The following NKAIN2 variants were observed in gnomAD, a reference collection of about 807,000 sequenced individuals.
NKAIN2 encodes sodium/potassium transporting ATPase interacting 2, also known as sodium/potassium-transporting ATPase subunit beta-1-interacting protein 2.
Under a neutral mutation model 32.6 loss-of-function variants are expected in NKAIN2, and 14 were observed. The ratio of observed to expected loss-of-function variants is 0.43; its 90% confidence interval spans 0.28 to 0.67. The LOEUF is 0.67. NKAIN2 is among the 30% of genes least tolerant of loss of function. The pLI is 0.17. For missense variants in NKAIN2, 198 were observed against 258.3 expected (o/e 0.77, Z 1.60); for synonymous variants, 80 against 87.2 (o/e 0.92, Z 0.46).
intron 1 of NKAIN2, among the ~76,000 whole-genome samples, chr6:124,007,635 TAGA>T (rs1229457020): frequency 6.6e-6 from 1 of 152,102 alleles, no homozygotes; most frequent in African/African-American, 2.4e-5. Flanking sequence ...ATTGTTGAAG[TAGA>T]AGGATGTACA....
At chr6:124,190,030 C>T (rs905313042) in intron 1 of NKAIN2, among the ~76,000 whole-genome samples, 3 of 152,162 alleles carry the variant, frequency 2.0e-5, no homozygotes, top group Non-Finnish European at 4.4e-5. Context: ...TAACTATTGC[C>T]TCCTTGTTCC....
At chr6:124,697,449 A>T (rs1353943896) in intron 4 of NKAIN2, among the ~76,000 whole-genome samples, 1 of 152,180 alleles carries the variant, frequency 6.6e-6, no homozygotes, top group Admixed American at 6.6e-5. Context: ...TTGTTTCTTC[A>T]TATAAAACAT....
chr6:123,883,254 C>A (rs969952585), intron 1 of NKAIN2, among the ~76,000 whole-genome samples: 6 of 152,086 alleles, frequency 3.9e-5, no homozygotes, highest in African/African-American at 1.4e-4. Context: ...ATGCCATTCT[C>A]CTGCCTCAGC....
intron 2 of NKAIN2, among the ~76,000 whole-genome samples, chr6:124,310,717 T>A (rs1017790952): frequency 1.3e-5 from 2 of 152,178 alleles, no homozygotes; most frequent in Admixed American, 1.3e-4. Flanking sequence ...AGAGGTGATG[T>A]TAGTGAATAA....
rs73561081 is a variant in NKAIN2, at chr6:124,048,683, A to G, written c.55-234322A>G. Among the ~76,000 whole-genome samples, 659 of 152,166 alleles carry G rather than the reference A, an allele frequency of 4.3e-3. 5 individuals carry two copies. The highest frequency in any genetic ancestry group is 0.015 in the African/African-American group (635 of 41,542). ...TTCCAGGATTTAAATTCTTGGGGAT[A>G]TTTCTGTGATGTTTATCAATTGATT... On this transcript the variant is annotated intron_variant, in intron 1 of 6. Coordinates refer to ENST00000368417, the MANE Select transcript of NKAIN2 (RefSeq NM_001040214.3).
chr6:124,203,739 A>C (rs1355245478), intron 1 of NKAIN2, among the ~76,000 whole-genome samples: 1 of 151,806 alleles, frequency 6.6e-6, no homozygotes, highest in Non-Finnish European at 1.5e-5. Context: ...TGAGAATTAG[A>C]GAGAGGATAT....
intron 4 of NKAIN2, among the ~76,000 whole-genome samples, chr6:124,747,232 C>G (rs978447119): frequency 2.6e-5 from 4 of 151,790 alleles, no homozygotes; most frequent in Non-Finnish European, 1.5e-5. Flanking sequence ...CCCTAACCAC[C>G]CACAGGTCTT....
intron 1 of NKAIN2, among the ~76,000 whole-genome samples, chr6:124,076,404 G>T (rs1250881137): frequency 2.0e-5 from 3 of 152,160 alleles, no homozygotes; most frequent in Non-Finnish European, 2.9e-5. Context: ...CTCTTCATTT[G>T]TGTTTGTTTC....
chr6:124,612,651 C>T (rs1562283925), intron 3 of NKAIN2, among the ~76,000 whole-genome samples: 2 of 152,102 alleles, frequency 1.3e-5, no homozygotes. Flanking sequence ...CTTTCTTTGC[C>T]TATAAAATGA....
intron 3 of NKAIN2, among the ~76,000 whole-genome samples, chr6:124,417,713 G>A (rs1002548620): frequency 3.9e-5 from 6 of 152,106 alleles, no homozygotes; most frequent in African/African-American, 7.2e-5. Flanking sequence ...TATTTTGAAC[G>A]TGATGGTGGC....
intron 1 of NKAIN2, among the ~76,000 whole-genome samples, chr6:123,967,978 C>T (rs1778168709): frequency 6.6e-6 from 1 of 152,084 alleles, no homozygotes; most frequent in Non-Finnish European, 1.5e-5. Flanking sequence ...AGGTGCCTCT[C>T]AGGATGTAAA....
At chr6:124,050,905 A>G (rs1782370697) in intron 1 of NKAIN2, among the ~76,000 whole-genome samples, 1 of 152,090 alleles carries the variant, frequency 6.6e-6, no homozygotes, top group African/African-American at 2.4e-5. Context: ...TTGGCAGATG[A>G]TTAAGATCTT....
chr6:124,433,340 AT>A (rs769945257), intron 3 of NKAIN2, among the ~76,000 whole-genome samples: 7 of 152,188 alleles, frequency 4.6e-5, no homozygotes, highest in Admixed American at 3.9e-4. Context: ...GAGAATTTGT[AT>A]TTAGTTGAAT....
At chr6:124,725,984 A>G (rs1315094502) in intron 4 of NKAIN2, among the ~76,000 whole-genome samples, 1 of 152,190 alleles carries the variant, frequency 6.6e-6, no homozygotes, top group Non-Finnish European at 1.5e-5. Flanking sequence ...CCACCCGAAT[A>G]CTGCGCTTTT....
chr6:124,050,611 C>A (rs567333932), intron 1 of NKAIN2, among the ~76,000 whole-genome samples: 1 of 151,950 alleles, frequency 6.6e-6, no homozygotes. Context: ...CGACTTACCC[C>A]AATCCATGTG....
rs144679503 is a variant in NKAIN2 at position 124,703,273 on chromosome 6, G to GAA, written c.474+44895_474+44896dup. Among the ~76,000 whole-genome samples the GAA allele has an allele frequency of 8.3e-3, 1,232 of 148,240 alleles. 18 individuals carry two copies. Among genetic ancestry groups the GAA allele is most frequent in the African/African-American group, 0.03 (1,187 of 40,198 alleles). Reference sequence around the variant, plus strand: ...TCCTCCAAAGTGGGAAAGACTAAAGGAAAAAAAAACAACAAAAAAACAAAG... The same window carrying GAA: ...TCCTCCAAAGTGGGAAAGACTAAAGGAAAAAAAAAAACAACAAAAAAACAAAG... On this transcript the variant is annotated intron_variant, in intron 4 of 6. Transcript: ENST00000368417.
At chr6:124,406,134 T>C (rs1232559149) in intron 3 of NKAIN2, among the ~76,000 whole-genome samples, 1 of 152,116 alleles carries the variant, frequency 6.6e-6, no homozygotes, top group Non-Finnish European at 1.5e-5. Context: ...TTTTGACATA[T>C]GTATATACTT....
At chr6:124,399,734 C>T (rs758439327) in intron 3 of NKAIN2, among the ~76,000 whole-genome samples, 59 of 152,268 alleles carry the variant, frequency 3.9e-4, no homozygotes, top group Non-Finnish European at 6.2e-4. Flanking sequence ...GAAGAACAGC[C>T]GGCTTTGGCC....
At chr6:124,134,124 T>A (rs77109438) in intron 1 of NKAIN2, among the ~76,000 whole-genome samples, 12 of 145,936 alleles carry the variant, frequency 8.2e-5, no homozygotes, top group South Asian at 2.2e-4. Flanking sequence ...TAAAAGAAAT[T>A]AAAAAAAAAA....
Sources: gnomAD v4.1 joint callset for allele counts (sites outside exome capture counted in the v4.1 genomes callset) on GRCh38, gnomAD v4.1.1 for gene constraint, MANE v1.5 for transcripts, NCBI Gene and HGNC (gene_info 2026-07-23, HGNC 2026-07-21) for gene names.